Variants in ADGRL3 observed in about 807,000 individuals in gnomAD.
ADGRL3 encodes calcium-independent alpha-latrotoxin receptor 3.
A neutral mutation model predicts 153.5 loss-of-function variants in ADGRL3; 62 were observed. That is an observed-to-expected ratio of 0.40 (90% CI 0.33 to 0.50). The LOEUF is 0.50. ADGRL3 is among the 20% of genes least tolerant of loss of function. The pLI is 0.47. For synonymous variants in ADGRL3, 710 were observed against 672.5 expected, an observed-to-expected ratio of 1.06 and a Z score of -0.86; for missense variants, 1,641 against 1,859.4, an observed-to-expected ratio of 0.88 and a Z score of 2.16.
intron 6 of ADGRL3, among the ~76,000 whole-genome samples, chr4:61,701,726 T>A (rs1230866325): frequency 6.6e-6 from 1 of 151,964 alleles, no homozygotes; most frequent in Non-Finnish European, 1.5e-5. Context: ...CATGAGCCGC[T>A]GCGCAGAACC....
chr4:61,304,326 C>A (rs1054182216), intron 1 of ADGRL3, among the ~76,000 whole-genome samples: 2 of 152,190 alleles, frequency 1.3e-5, no homozygotes, highest in Admixed American at 6.5e-5. Flanking sequence ...AGATGAAATT[C>A]TCTCTATGTG....
intron 2 of ADGRL3, among the ~76,000 whole-genome samples, chr4:61,416,838 T>G (rs2152305590): frequency 6.6e-6 from 1 of 152,276 alleles, no homozygotes; most frequent in African/African-American, 2.4e-5. Flanking sequence ...TTATTTCTGT[T>G]ATTATTACAT....
intron 2 of ADGRL3, among the ~76,000 whole-genome samples, chr4:61,480,042 T>A (rs1190511340): frequency 2.0e-5 from 3 of 152,162 alleles, no homozygotes; most frequent in South Asian, 2.1e-4. Context: ...TGATAACACT[T>A]AAGATCTAGT....
chr4:61,399,581 A>G (rs1188772666), intron 2 of ADGRL3, among the ~76,000 whole-genome samples: 1 of 151,638 alleles, frequency 6.6e-6, no homozygotes, highest in Non-Finnish European at 1.5e-5. Flanking sequence ...ACAAATAGTA[A>G]GAGAAATGTC....
intron 1 of ADGRL3, among the ~76,000 whole-genome samples, chr4:61,285,842 C>G (rs2093918706): frequency 6.6e-6 from 1 of 151,744 alleles, no homozygotes; most frequent in African/African-American, 2.4e-5. Context: ...GAATCACTTG[C>G]TTTTACTTGA....
intron 9 of ADGRL3, among the ~76,000 whole-genome samples, chr4:61,815,957 G>A (rs191753632): frequency 8.3e-4 from 126 of 152,288 alleles, no homozygotes; most frequent in African/African-American, 2.8e-3. Flanking sequence ...CCCATCACAA[G>A]TATTTTGTTA....
chr4:61,710,522 C>G (rs901910553), intron 6 of ADGRL3, among the ~76,000 whole-genome samples: 3 of 152,160 alleles, frequency 2.0e-5, no homozygotes, highest in African/African-American at 7.2e-5. Context: ...GGCAAACCAA[C>G]AGAACTGTAG....
chr4:61,527,018 A>T (rs2098567209), intron 4 of ADGRL3, among the ~76,000 whole-genome samples: 1 of 152,152 alleles, frequency 6.6e-6, no homozygotes, highest in Non-Finnish European at 1.5e-5. Context: ...GCCTTGAAAT[A>T]TGAAAAAGTA....
chr4:61,458,053 T>C (rs1379824065), intron 2 of ADGRL3, among the ~76,000 whole-genome samples: 1 of 151,834 alleles, frequency 6.6e-6, no homozygotes, highest in Non-Finnish European at 1.5e-5. Flanking sequence ...AGGACACTTT[T>C]TGGAGTTAGT....
At chr4:61,408,717 T>G (rs1313621247) in intron 2 of ADGRL3, among the ~76,000 whole-genome samples, 1 of 152,106 alleles carries the variant, frequency 6.6e-6, no homozygotes, top group Non-Finnish European at 1.5e-5. Context: ...GCTCTTAAAA[T>G]TAATATGCAT....
chr4:61,547,656 G>T (rs1383278431), intron 4 of ADGRL3, among the ~76,000 whole-genome samples: 3 of 151,998 alleles, frequency 2.0e-5, no homozygotes, highest in Non-Finnish European at 4.4e-5. Flanking sequence ...GTATACCATT[G>T]ATGGGTATTT....
intron 25 of ADGRL3, chr4:62,063,459 T>C (rs1741272198): frequency 1.6e-6 from 1 of 641,030 alleles, no homozygotes; most frequent in Non-Finnish European, 2.8e-6. Flanking sequence ...ATTTGCCTGA[T>C]TGACCTTTTT....
intron 2 of ADGRL3, among the ~76,000 whole-genome samples, chr4:61,496,019 AC>A: frequency 6.6e-6 from 1 of 152,324 alleles, no homozygotes; most frequent in South Asian, 2.1e-4. Context: ...TAATCATCGT[AC>A]ATTGTTATTT....
At chr4:61,499,996 A>G (rs1370993897) in intron 3 of ADGRL3, among the ~76,000 whole-genome samples, 1 of 132,286 alleles carries the variant, frequency 7.6e-6, no homozygotes, top group Non-Finnish European at 1.5e-5. Context: ...AGACACACAC[A>G]CACACACACA....
At chr4:62,007,127 A>G (rs2099161907) in intron 21 of ADGRL3, among the ~76,000 whole-genome samples, 3 of 151,460 alleles carry the variant, frequency 2.0e-5, no homozygotes, top group Admixed American at 1.3e-4. Context: ...AAAAGCAGGA[A>G]AGAAGAGATA....
At chr4:61,333,370 A>G (rs982079885) in intron 1 of ADGRL3, among the ~76,000 whole-genome samples, 1 of 152,128 alleles carries the variant, frequency 6.6e-6, no homozygotes. Flanking sequence ...TCTGTTTTTC[A>G]GTGTATGTAT....
intron 5 of ADGRL3, among the ~76,000 whole-genome samples, chr4:61,593,224 C>T (rs1454997759): frequency 6.6e-6 from 1 of 152,016 alleles, no homozygotes; most frequent in Non-Finnish European, 1.5e-5. Context: ...AAAAGTTGCT[C>T]TAGTTATTAT....
At chr4:61,771,157 T>G (rs1344233451) in intron 8 of ADGRL3, among the ~76,000 whole-genome samples, 1 of 152,184 alleles carries the variant, frequency 6.6e-6, no homozygotes, top group Non-Finnish European at 1.5e-5. Flanking sequence ...AGTCCCTCCA[T>G]ATTGATTTAT....
At chr4:61,485,746 A>G (rs1579122198) in intron 2 of ADGRL3, among the ~76,000 whole-genome samples, 1 of 152,260 alleles carries the variant, frequency 6.6e-6, no homozygotes, top group East Asian at 1.9e-4. Context: ...TCTCTATTCT[A>G]GGCTTTATTT....
Sources: allele counts gnomAD v4.1 joint callset (sites outside exome capture counted in the v4.1 genomes callset), GRCh38; gene constraint gnomAD v4.1.1; transcripts MANE v1.5; gene names NCBI Gene and HGNC (gene_info 2026-07-23, HGNC 2026-07-21).